PHF21B: variants seen among roughly 807,000 people sequenced by gnomAD.
PHF21B encodes the protein PHD finger protein 4.
PHF21B carries 22 observed loss-of-function variants against 62.2 expected under a neutral mutation model. The ratio of observed to expected loss-of-function variants is 0.35; its 90% confidence interval spans 0.25 to 0.51. The LOEUF (loss-of-function observed/expected upper bound fraction) is 0.51. Among genes scored for constraint, PHF21B ranks in the 20% least tolerant of loss-of-function variants. PHF21B has a pLI of 0.97. For synonymous variants in PHF21B, 341 were observed against 314.7 expected (o/e 1.08, Z -0.88); for missense variants, 701 against 707.9 (o/e 0.99, Z 0.11).
At position 44,898,513 on chromosome 22, in the gene PHF21B, A is replaced by G. The variant is rs185933223; in HGVS notation, c.832-2430T>C. Among the ~76,000 whole-genome samples the G allele has an allele frequency of 2.5e-3, 375 of 152,228 alleles. 1 individual carries two copies. Among genetic ancestry groups the G allele is most frequent in the African/African-American group, 8.6e-3 (356 of 41,544 alleles). On this transcript the variant is annotated intron_variant, in intron 5 of 12. Coordinates refer to ENST00000313237, the MANE Select transcript of PHF21B (RefSeq NM_138415.5). Reference sequence around the variant, plus strand: ...GGGAATAAGTCACCATGGGCAGCTCACACTTAAGGAGCTGGGAATCAGACT... The same window carrying G: ...GGGAATAAGTCACCATGGGCAGCTCGCACTTAAGGAGCTGGGAATCAGACT...
intron 2 of PHF21B, chr22:44,933,378 T>C (rs1292468224): frequency 7.0e-6 from 6 of 854,218 alleles, no homozygotes; most frequent in African/African-American, 3.7e-5. Context: ...CCGAAAGTGA[T>C]GGGATTACAG....
At chr22:44,944,375 G>C (rs2072022111) in intron 2 of PHF21B, among the ~76,000 whole-genome samples, 1 of 152,198 alleles carries the variant, frequency 6.6e-6, no homozygotes, top group African/African-American at 2.4e-5. Flanking sequence ...GGGCACTATG[G>C]CATGCTCACC....
In PHF21B at chr22:44,914,102, G is replaced by A. The variant is rs1260845041; in HGVS notation, c.565-14C>T. Reference sequence around the variant, plus strand: ...GCGTGGAGGAGGCTGGAGAGCGAGGGTGAGGGGCACAGGGAGGAAGGGAAG... The same window carrying A: ...GCGTGGAGGAGGCTGGAGAGCGAGGATGAGGGGCACAGGGAGGAAGGGAAG... On this transcript the variant is annotated splice_polypyrimidine_tract_variant and intron_variant, in intron 4 of 12. Transcript: ENST00000313237. 1.0e-5 allele frequency: 8 copies of A among 796,070 alleles called. No individual in the cohort carries two copies. The East Asian group carries it at 2.0e-4, about 20-fold the overall frequency. The allele number at this position is 796,070 out of a possible 1,614,324, so 49.3% of individuals were successfully genotyped here.
chr22:44,911,035 CTT>C (rs1428597846), intron 5 of PHF21B, among the ~76,000 whole-genome samples: 1 of 152,144 alleles, frequency 6.6e-6, no homozygotes, highest in Non-Finnish European at 1.5e-5. Flanking sequence ...AAAGGTGACT[CTT>C]GTTATGTTTT....
chr22:44,895,992 A>C, intron 6 of PHF21B, 40 bp downstream of exon 6: 2 of 1,612,228 alleles, frequency 1.2e-6, no homozygotes, highest in Admixed American at 1.7e-5. Context: ...CTTTCGGGTC[A>C]GTCCCAGCCC....
intron 2 of PHF21B, among the ~76,000 whole-genome samples, chr22:44,986,023 CCACCAT>C (rs1430033182): frequency 6.6e-6 from 1 of 151,568 alleles, no homozygotes; most frequent in Non-Finnish European, 1.5e-5. Context: ...AGCAGCAGCA[CCACCAT>C]CACCATCAGC....
chr22:44,957,487 T>G (rs2072324864), intron 2 of PHF21B, among the ~76,000 whole-genome samples: 1 of 152,212 alleles, frequency 6.6e-6, no homozygotes, highest in Non-Finnish European at 1.5e-5. Flanking sequence ...GAGGGAGTTC[T>G]CAAATCCATT....
rs1354685249 is a variant in PHF21B at position 44,883,388 on chromosome 22, C to T, written c.1378-84G>A. 21 of 1,315,172 alleles carry T rather than the reference C, an allele frequency of 1.6e-5. No homozygotes were observed. In the Admixed American group the frequency reaches 3.9e-4, roughly 25 times the overall value. The allele number at this position is 1,315,172 out of a possible 1,614,324, so 81.5% of individuals were successfully genotyped here. A position where few individuals can be genotyped will look rare whatever the true frequency, so the allele number is the denominator to read the frequency against. On this transcript the variant is annotated intron_variant, in intron 12 of 12. Transcript: ENST00000313237. ...GGCAGCCACCGTCTGGGCCCCTCTC[C>T]CCTCCACTACAAAGGCCTACAAGAA...
chr22:44,936,266 C>T (rs1295179009), intron 2 of PHF21B, among the ~76,000 whole-genome samples: 2 of 152,158 alleles, frequency 1.3e-5, no homozygotes, highest in African/African-American at 4.8e-5. Flanking sequence ...CTGGCCATGT[C>T]CAGTGGAGAC....
At chr22:45,008,479 G>T in intron 2 of PHF21B, 66 bp downstream of exon 2, 1 of 1,425,462 alleles carries the variant, frequency 7.0e-7, no homozygotes, top group East Asian at 2.9e-5. Flanking sequence ...ACTTTTTAGG[G>T]CGCCGCCAAA....
At chr22:44,900,020 G>A (rs1007734332) in intron 5 of PHF21B, among the ~76,000 whole-genome samples, 10 of 151,984 alleles carry the variant, frequency 6.6e-5, no homozygotes, top group African/African-American at 2.4e-4. Context: ...AGCTTTAAAG[G>A]GTATTTTCTG....
chr22:44,893,794 C>G (rs1214136675), intron 6 of PHF21B, among the ~76,000 whole-genome samples: 1 of 152,272 alleles, frequency 6.6e-6, no homozygotes, highest in African/African-American at 2.4e-5. Context: ...GGTGCCCACT[C>G]TTAGCACGGG....
In PHF21B at chr22:44,883,309, T is replaced by C. The variant is rs754037677; in HGVS notation, c.1378-5A>G. ...TGTCTTCAACTCCAGGCATTTCTGT[T>C]GGGGAGAAGGTCAGGGGAAAGGGTC... is the stretch of plus-strand genomic sequence containing the variant. On this transcript the variant is annotated splice_region_variant and splice_polypyrimidine_tract_variant and intron_variant, in intron 12 of 12. Transcript: ENST00000313237. 1 of 1,612,944 alleles carries C rather than the reference T, an allele frequency of 6.2e-7. No homozygotes were observed. Among genetic ancestry groups the C allele is most frequent in the Non-Finnish European group, 8.5e-7 (1 of 1,179,648 alleles).
rs545295061 is a variant in PHF21B, at chr22:44,945,266, G to A, written c.121-24776C>T. On this transcript the variant is annotated intron_variant, in intron 2 of 12. Coordinates refer to ENST00000313237, the MANE Select transcript of PHF21B (RefSeq NM_138415.5). ...GCACCTAGCTTTCCCCAGTGGGAAC[G>A]GACAGGCTCGCTCTGGGTAGGAGCA... 9.2e-5 allele frequency among the ~76,000 whole-genome samples: 14 copies of A among 152,300 alleles called. No homozygotes were observed. The South Asian group carries it at 2.1e-3, about 23-fold the overall frequency.
intron 2 of PHF21B, among the ~76,000 whole-genome samples, chr22:44,945,172 C>G (rs2072041580): frequency 6.6e-6 from 1 of 152,196 alleles, no homozygotes. Flanking sequence ...TGCAGAAATC[C>G]TGGGTTTCCT....
intron 2 of PHF21B, among the ~76,000 whole-genome samples, chr22:45,007,205 T>C (rs2073332231): frequency 8.7e-6 from 1 of 115,216 alleles, no homozygotes; most frequent in Non-Finnish European, 1.8e-5. Context: ...CACTGCCATC[T>C]TCCTTTCAGC....
At chr22:44,928,983 C>T (rs1303696472) in intron 2 of PHF21B, among the ~76,000 whole-genome samples, 1 of 151,742 alleles carries the variant, frequency 6.6e-6, no homozygotes, top group African/African-American at 2.4e-5. Flanking sequence ...GAGGCAGCCC[C>T]AGGCCTCCCA....
At chr22:44,955,162 A>C (rs2072271220) in intron 2 of PHF21B, among the ~76,000 whole-genome samples, 1 of 152,106 alleles carries the variant, frequency 6.6e-6, no homozygotes, top group African/African-American at 2.4e-5. Flanking sequence ...GCCTCGGAGG[A>C]GGCTCCACAG....
At chr22:44,923,905 G>T (rs1233172028) in intron 2 of PHF21B, among the ~76,000 whole-genome samples, 3 of 151,840 alleles carry the variant, frequency 2.0e-5, no homozygotes. Context: ...CAGCTGCTTG[G>T]GAGGCTGAGG....
Sources: gnomAD v4.1 joint callset for allele counts (sites outside exome capture counted in the v4.1 genomes callset) on GRCh38, gnomAD v4.1.1 for gene constraint, MANE v1.5 for transcripts, NCBI Gene and HGNC (gene_info 2026-07-23, HGNC 2026-07-21) for gene names.